SNTG1: variants seen among roughly 807,000 people sequenced by gnomAD.
The protein encoded by SNTG1 is gamma-1-syntrophin.
A neutral mutation model predicts 74.7 loss-of-function variants in SNTG1; 39 were observed. The observed-to-expected ratio is 0.52, with a 90% CI of 0.40 to 0.68. The LOEUF is 0.68. SNTG1 is among the 30% of genes least tolerant of loss of function. SNTG1 has a pLI of 0.00. For missense variants in SNTG1, 685 were observed against 609.5 expected (o/e 1.12, Z -1.30); for synonymous variants, 254 against 217.1 (o/e 1.17, Z -1.49).
At chr8:50,379,634 C>T (rs533763301) in intron 2 of SNTG1, among the ~76,000 whole-genome samples, 4 of 152,192 alleles carry the variant, frequency 2.6e-5, no homozygotes, top group Non-Finnish European at 4.4e-5. Context: ...TGGCAACTGC[C>T]GCTCCAGACA....
In SNTG1 at chr8:50,449,882, G is replaced by T. The variant is rs999213477; in HGVS notation, c.277+157G>T. On this transcript the variant is annotated intron_variant, in intron 6 of 18. Transcript: ENST00000642720. ...GGCTGAGTCTGCTTCCTGGGTCCTT[G>T]CCCTTTATCCTCCTGTGGGAGAGGA... Among the ~76,000 whole-genome samples, 3 of 152,276 alleles carry T rather than the reference G, an allele frequency of 2.0e-5. No individual in the cohort carries two copies. In the East Asian group the frequency reaches 5.8e-4, roughly 29 times the overall value.
At chr8:50,421,918 T>A (rs73676129) in intron 4 of SNTG1, among the ~76,000 whole-genome samples, 14 of 152,108 alleles carry the variant, frequency 9.2e-5, no homozygotes, top group African/African-American at 3.1e-4. Context: ...CAAAAACAGG[T>A]TTTAATGGCA....
chr8:49,944,791 GAA>G lies in SNTG1; in HGVS notation c.-103+32575_-103+32576del, dbSNP rs112235757. Among the ~76,000 whole-genome samples, 247 of 129,006 alleles carry G rather than the reference GAA, an allele frequency of 1.9e-3. 1 individual carries two copies. The highest frequency in any genetic ancestry group is 5.7e-3 in the African/African-American group (208 of 36,620). 84.6% of individuals were successfully genotyped at this position (129,006 alleles called of 152,430 possible). On this transcript the variant is annotated intron_variant, in intron 1 of 18. Transcript: ENST00000642720. ...TAATAAATGAATTCATCACCTGCAA[GAA>G]AAAAAAAAAAAAAAGATGGAGTTTC...
At chr8:50,434,928 T>C (rs1456710403) in intron 4 of SNTG1, among the ~76,000 whole-genome samples, 1 of 152,114 alleles carries the variant, frequency 6.6e-6, no homozygotes, top group African/African-American at 2.4e-5. Flanking sequence ...TGATTTCCAC[T>C]TCTTCCTAAC....
intron 2 of SNTG1, among the ~76,000 whole-genome samples, chr8:50,308,790 G>C (rs1009103082): frequency 6.6e-6 from 1 of 152,078 alleles, no homozygotes; most frequent in East Asian, 1.9e-4. Flanking sequence ...CTAACAACTG[G>C]CTCTTAAAGT....
intron 1 of SNTG1, among the ~76,000 whole-genome samples, chr8:50,073,376 A>G (rs1821545744): frequency 6.6e-6 from 1 of 152,132 alleles, no homozygotes; most frequent in Non-Finnish European, 1.5e-5. Flanking sequence ...ATACATCTTC[A>G]TGCTCTACTT....
intron 4 of SNTG1, among the ~76,000 whole-genome samples, chr8:50,421,236 T>G (rs1312261614): frequency 6.6e-6 from 1 of 152,054 alleles, no homozygotes; most frequent in Admixed American, 6.6e-5. Context: ...AGCAAGTTTA[T>G]TAAGATAGTA....
At chr8:50,664,073 C>A (rs559998069) in intron 15 of SNTG1, among the ~76,000 whole-genome samples, 2 of 152,082 alleles carry the variant, frequency 1.3e-5, no homozygotes, top group South Asian at 2.1e-4. Flanking sequence ...CCATGTTACA[C>A]GTCTCAAAAT....
chr8:50,436,162 G>A (rs961822776), intron 4 of SNTG1, among the ~76,000 whole-genome samples: 2 of 152,108 alleles, frequency 1.3e-5, no homozygotes, highest in Non-Finnish European at 2.9e-5. Flanking sequence ...AACTGATATG[G>A]GTTGTCTGGA....
chr8:50,394,313 G>A lies in SNTG1; in HGVS notation c.27+48G>A, dbSNP rs756084051. 3 of 1,589,142 alleles carry A rather than the reference G, an allele frequency of 1.9e-6. No individual in the cohort carries two copies. In the African/African-American group the frequency reaches 4.1e-5, roughly 21 times the overall value. ...TTCAAACAGGGAAAACAGAATATAA[G>A]CGGGAAACACTTGGCTCCAATTTAT... On this transcript the variant is annotated intron_variant, in intron 3 of 18. Coordinates refer to ENST00000642720, the MANE Select transcript of SNTG1 (RefSeq NM_018967.5).
chr8:50,420,651 G>A (rs574908667), intron 4 of SNTG1, among the ~76,000 whole-genome samples: 1 of 151,962 alleles, frequency 6.6e-6, no homozygotes, highest in African/African-American at 2.4e-5. Flanking sequence ...TTAAAGTAAG[G>A]GTGATGGTTC....
chr8:50,732,059 T>A (rs1450955430), intron 17 of SNTG1, among the ~76,000 whole-genome samples: 1 of 151,994 alleles, frequency 6.6e-6, no homozygotes, highest in Non-Finnish European at 1.5e-5. Flanking sequence ...TAGCCAAGGA[T>A]TCATGCTTCA....
intron 5 of SNTG1, among the ~76,000 whole-genome samples, chr8:50,442,489 C>T (rs1258427956): frequency 6.6e-6 from 1 of 151,988 alleles, no homozygotes; most frequent in Non-Finnish European, 1.5e-5. Context: ...GGCATCCTTG[C>T]TTATCCAAGA....
chr8:50,579,044 A>C (rs987712118), intron 12 of SNTG1, among the ~76,000 whole-genome samples: 5 of 152,192 alleles, frequency 3.3e-5, no homozygotes, highest in Non-Finnish European at 5.9e-5. Context: ...CTAGAGACTT[A>C]GAGGGCTCAG....
intron 2 of SNTG1, among the ~76,000 whole-genome samples, chr8:50,285,653 C>T (rs1431012882): frequency 6.6e-6 from 1 of 151,846 alleles, no homozygotes; most frequent in African/African-American, 2.4e-5. Context: ...TTTATATATG[C>T]ACAGATAAAT....
intron 4 of SNTG1, among the ~76,000 whole-genome samples, chr8:50,410,455 A>G (rs2092932890): frequency 1.3e-5 from 2 of 152,202 alleles, no homozygotes; most frequent in Non-Finnish European, 1.5e-5. Flanking sequence ...ATGAGATTGC[A>G]TTCTTCTTTT....
At chr8:50,780,609 C>T (rs1003626958) in intron 18 of SNTG1, among the ~76,000 whole-genome samples, 2 of 151,854 alleles carry the variant, frequency 1.3e-5, no homozygotes, top group African/African-American at 2.4e-5. Flanking sequence ...TCTTTATTAG[C>T]CTTGCTAGTG....
intron 18 of SNTG1, among the ~76,000 whole-genome samples, chr8:50,753,582 G>T (rs2095572991): frequency 6.6e-6 from 1 of 151,856 alleles, no homozygotes; most frequent in African/African-American, 2.4e-5. Context: ...ATGGTATTTA[G>T]ATATTAATTT....
At chr8:50,242,832 A>G (rs764916658) in intron 2 of SNTG1, among the ~76,000 whole-genome samples, 6 of 151,254 alleles carry the variant, frequency 4.0e-5, no homozygotes, top group African/African-American at 1.2e-4. Context: ...GTAAATAAAC[A>G]TAGAAAATAT....
Sources: allele counts gnomAD v4.1 joint callset (sites outside exome capture counted in the v4.1 genomes callset), GRCh38; gene constraint gnomAD v4.1.1; transcripts MANE v1.5; gene names NCBI Gene and HGNC (gene_info 2026-07-23, HGNC 2026-07-21).